The following ELMOD1 variants were observed in gnomAD, a reference collection of about 807,000 sequenced individuals.
ELMOD1 encodes the protein ELMO domain containing 1.
Under a neutral mutation model 46.7 loss-of-function variants are expected in ELMOD1, and 21 were observed. The ratio of observed to expected loss-of-function variants is 0.45; its 90% CI spans 0.32 to 0.65. ELMOD1 has a LOEUF of 0.65. Among genes scored for constraint, ELMOD1 ranks in the 30% least tolerant of loss-of-function variants. The pLI is 0.04. For missense variants in ELMOD1, 348 were observed against 407.8 expected (o/e 0.85, Z 1.26); for synonymous variants, 122 against 138.2 (o/e 0.88, Z 0.82).
At chr11:107,615,514 T>C (rs1422957591) in intron 1 of ELMOD1, among the ~76,000 whole-genome samples, 2 of 152,044 alleles carry the variant, frequency 1.3e-5, no homozygotes, top group Non-Finnish European at 2.9e-5. Flanking sequence ...ATTACAGGCG[T>C]GAGCCACCAC....
Position 107,630,703 on chromosome 11 carries a change from C to T in ELMOD1, c.167C>T (p.Thr56Ile), listed in dbSNP as rs1866121441. ...GTTTTTGTTGCTGCTTTCACAGAAA[C>T]ATCACTGAGGGATTCTAAAAGTAAG... ...PGASRTMKIE[T>I]SLRDSKSKLL... Residue 56 changes from threonine (T) to isoleucine (I), a missense_variant, in exon 4 of 12, where the codon ACA becomes ATA. Transcript: ENST00000265840. 5.0e-6 allele frequency: 8 copies of T among 1,608,228 alleles called. No homozygotes were observed. The South Asian group carries it at 7.8e-5, about 16-fold the overall frequency.
At chr11:107,599,740 C>CAAAAAAAAAAAAAAAAA (rs56992146) in intron 1 of ELMOD1, among the ~76,000 whole-genome samples, 11 of 90,926 alleles carry the variant, frequency 1.2e-4, no homozygotes, top group Admixed American at 2.6e-4. Flanking sequence ...AGACCTGTCT[C>CAAAAAAAAAAAAAAAAA]AAAAAAAAAA....
intron 1 of ELMOD1, among the ~76,000 whole-genome samples, chr11:107,604,831 A>AC (rs1865660250): frequency 6.6e-6 from 1 of 152,208 alleles, no homozygotes; most frequent in South Asian, 2.1e-4. Flanking sequence ...CCTCTTCTGC[A>AC]CAGTCAGGGT....
rs1488451251 is a variant in ELMOD1 at position 107,656,039 on chromosome 11, A to G, written c.805A>G (p.Thr269Ala). ...HFYNIAPEAPTLSHFQQTFCY... is the reference protein window; with the variant it reads ...HFYNIAPEAPALSHFQQTFCY... ...CTACAATATCGCCCCAGAAGCTCCA[A>G]CATTGTCTCACTTTCAGCAAACATT... The change falls in exon 11 of 12, where the codon ACA becomes GCA. Residue 269 changes from threonine to alanine, a missense_variant. Physicochemically the swap from Thr to Ala is moderately conservative, Grantham distance 58. Coordinates refer to ENST00000265840, the MANE Select transcript of ELMOD1 (RefSeq NM_018712.4). The G allele has an allele frequency of 6.4e-7, 1 of 1,556,986 alleles. No homozygotes were observed. Among genetic ancestry groups the G allele is most frequent in the Non-Finnish European group, 8.7e-7 (1 of 1,149,014 alleles).
At position 107,665,995 on chromosome 11, in the gene ELMOD1, A is replaced by C. The variant is rs1309326504; in HGVS notation, c.*798A>C. ...TAAATAAATAAATAAATAAATAAAT[A>C]AATAAATAAATAAATAAATAAAATA... On this transcript the variant is annotated 3_prime_UTR_variant, in exon 12 of 12. Transcript: ENST00000265840. The C allele has an allele frequency of 6.6e-6, 1 of 151,712 alleles. No individual in the cohort carries two copies. Among genetic ancestry groups the C allele is most frequent in the Non-Finnish European group, 1.5e-5 (1 of 68,350 alleles). 9.4% of individuals were successfully genotyped at this position (151,712 alleles called of 1,614,324 possible).
chr11:107,662,352 T>C (rs917450994), intron 11 of ELMOD1, among the ~76,000 whole-genome samples: 2 of 152,192 alleles, frequency 1.3e-5, no homozygotes, highest in African/African-American at 4.8e-5. Context: ...GGCTCACGCC[T>C]GTAATCCCAG....
At chr11:107,638,812 C>T (rs1232070068) in intron 6 of ELMOD1, among the ~76,000 whole-genome samples, 4 of 152,114 alleles carry the variant, frequency 2.6e-5, no homozygotes, top group Admixed American at 1.3e-4. Context: ...GAAGAGAGAC[C>T]GTACAGCTCA....
chr11:107,601,511 G>A (rs757263997), intron 1 of ELMOD1, among the ~76,000 whole-genome samples: 1 of 147,440 alleles, frequency 6.8e-6, no homozygotes, highest in Non-Finnish European at 1.5e-5. Context: ...TGTCTCCTAA[G>A]TTCAAGCAAT....
chr11:107,653,984 A>G, intron 9 of ELMOD1, 188 bp from the exon 10 acceptor site: 2 of 591,076 alleles, frequency 3.4e-6, no homozygotes, highest in South Asian at 2.2e-5. Flanking sequence ...TAGGAGGTAA[A>G]TAGCATGGCC....
intron 6 of ELMOD1, among the ~76,000 whole-genome samples, chr11:107,641,101 G>A (rs1866315062): frequency 6.6e-6 from 1 of 152,102 alleles, no homozygotes; most frequent in Non-Finnish European, 1.5e-5. Context: ...AGACCAGCCT[G>A]GCCAACATGG....
intron 1 of ELMOD1, among the ~76,000 whole-genome samples, chr11:107,617,368 A>T (rs930080430): frequency 6.6e-6 from 1 of 152,126 alleles, no homozygotes; most frequent in African/African-American, 2.4e-5. Context: ...TTCTCATGAG[A>T]TAACTTCTCT....
intron 1 of ELMOD1, 68 bp from the exon 2 acceptor site, chr11:107,618,037 A>G (rs1865889892): frequency 1.3e-6 from 1 of 790,112 alleles, no homozygotes. Context: ...CTCAGTAAGC[A>G]GAAATTTTTG....
chr11:107,654,217 A>T lies in ELMOD1; in HGVS notation c.693A>T (p.Ala231=). 1 of 1,591,310 alleles carries T rather than the reference A, an allele frequency of 6.3e-7. No homozygotes were observed. Among genetic ancestry groups the T allele is most frequent in the Non-Finnish European group, 8.6e-7 (1 of 1,168,022 alleles). ...GGGAGAAGAAAAGGATGGATAAGGCAATTGGGTGAGTATGGGATCTCACAT... is the reference window on the plus strand; with the variant it reads ...GGGAGAAGAAAAGGATGGATAAGGCTATTGGGTGAGTATGGGATCTCACAT... ...AEWEKKRMDK[A]IGYSFAIVGI... Residue 231 remains alanine, a synonymous_variant, in exon 10 of 12, where the codon GCA becomes GCT. Transcript: ENST00000265840.
At chr11:107,654,979 A>G (rs540926315) in intron 10 of ELMOD1, among the ~76,000 whole-genome samples, 18 of 152,274 alleles carry the variant, frequency 1.2e-4, no homozygotes, top group South Asian at 2.1e-4. Context: ...TTTGGTAAAC[A>G]TGTAAATAAG....
At chr11:107,641,939 CTTTTT>C (rs34475862) in intron 6 of ELMOD1, among the ~76,000 whole-genome samples, 1 of 100,476 alleles carries the variant, frequency 1.0e-5, no homozygotes. Flanking sequence ...TGAGCTTACT[CTTTTT>C]TTTTTTTTTT....
chr11:107,661,883 G>A (rs1866745315), intron 11 of ELMOD1, among the ~76,000 whole-genome samples: 1 of 152,108 alleles, frequency 6.6e-6, no homozygotes, highest in African/African-American at 2.4e-5. Context: ...GAATTCTTTT[G>A]GTTGGTTGAA....
At chr11:107,655,573 C>CTTTTTTTTTTTTTTTTTT (rs746890763) in intron 10 of ELMOD1, among the ~76,000 whole-genome samples, 42 of 112,440 alleles carry the variant, frequency 3.7e-4, no homozygotes, top group Non-Finnish European at 5.5e-4. Flanking sequence ...ATTGAAATGC[C>CTTTTTTTTTTTTTTTTTT]TTTTTTTTTT....
intron 10 of ELMOD1, among the ~76,000 whole-genome samples, chr11:107,655,337 A>T (rs1393554112): frequency 1.3e-5 from 2 of 152,188 alleles, no homozygotes; most frequent in Admixed American, 1.3e-4. Flanking sequence ...ATTATTAAAA[A>T]TGCTATAATG....
chr11:107,664,752 AAG>A (rs1321104273), intron 11 of ELMOD1, among the ~76,000 whole-genome samples: 1 of 98,370 alleles, frequency 1.0e-5, no homozygotes, highest in African/African-American at 1.4e-4. Flanking sequence ...ATTCATACTC[AAG>A]AGATGGCAGA....
Sources: allele counts gnomAD v4.1 joint callset (sites outside exome capture counted in the v4.1 genomes callset), GRCh38; gene constraint gnomAD v4.1.1; transcripts MANE v1.5; gene names NCBI Gene and HGNC (gene_info 2026-07-23, HGNC 2026-07-21).